Variants in NDUFS4 observed in about 807,000 individuals in gnomAD.
NDUFS4 encodes the protein NADH dehydrogenase [ubiquinone] iron-sulfur protein 4, mitochondrial.
A neutral mutation model predicts 24.3 loss-of-function variants in NDUFS4; 28 were observed. That is an observed-to-expected ratio of 1.15 (90% CI 0.85 to 1.58). The LOEUF (loss-of-function observed/expected upper bound fraction) is 1.58. Ranked by LOEUF, NDUFS4 falls within the 40% of genes most tolerant of loss-of-function variation. NDUFS4 has a pLI of 0.00. For missense variants in NDUFS4, 223 were observed against 207.9 expected (o/e 1.07, Z -0.45); for synonymous variants, 93 against 69.7 (o/e 1.34, Z -1.67).
At chr5:53,617,784 A>G (rs1297245661) in intron 2 of NDUFS4, among the ~76,000 whole-genome samples, 1 of 152,184 alleles carries the variant, frequency 6.6e-6, no homozygotes, top group Admixed American at 6.5e-5. Flanking sequence ...ATTATTTGAA[A>G]TGTTCACTCT....
At chr5:53,598,655 T>A (rs1478883952) in intron 1 of NDUFS4, among the ~76,000 whole-genome samples, 2 of 152,172 alleles carry the variant, frequency 1.3e-5, no homozygotes, top group African/African-American at 4.8e-5. Context: ...CATATTGTTA[T>A]CAAGCTGTAT....
intron 1 of NDUFS4, among the ~76,000 whole-genome samples, chr5:53,594,992 A>T (rs1313584032): frequency 6.6e-6 from 1 of 152,084 alleles, no homozygotes; most frequent in African/African-American, 2.4e-5. Context: ...CCATGAAAGG[A>T]TGGCCAGTTG....
At chr5:53,612,964 C>A (rs1484711936) in intron 2 of NDUFS4, among the ~76,000 whole-genome samples, 3 of 152,108 alleles carry the variant, frequency 2.0e-5, no homozygotes, top group Non-Finnish European at 2.9e-5. Flanking sequence ...TTCTTCCTGA[C>A]ATACTAAAAG....
At chr5:53,669,394 C>T (rs1752605701) in intron 4 of NDUFS4, among the ~76,000 whole-genome samples, 1 of 152,170 alleles carries the variant, frequency 6.6e-6, no homozygotes, top group African/African-American at 2.4e-5. Flanking sequence ...CCTCCCTCTA[C>T]AACCTCGTTA....
chr5:53,593,211 A>G (rs556591482), intron 1 of NDUFS4, among the ~76,000 whole-genome samples: 152 of 152,220 alleles, frequency 1.0e-3, no homozygotes, highest in African/African-American at 3.5e-3. Flanking sequence ...ATTATCTTTA[A>G]TAGATATAGG....
chr5:53,572,735 C>T (rs1371662864), intron 1 of NDUFS4, among the ~76,000 whole-genome samples: 2 of 151,702 alleles, frequency 1.3e-5, no homozygotes, highest in African/African-American at 4.8e-5. Flanking sequence ...CCTCTGCCTC[C>T]TGGGTTCAAG....
intron 2 of NDUFS4, among the ~76,000 whole-genome samples, chr5:53,608,410 A>C (rs1048212363): frequency 1.3e-5 from 2 of 152,172 alleles, no homozygotes; most frequent in African/African-American, 4.8e-5. Flanking sequence ...TTCATGAAAA[A>C]TTTCTCTGTA....
chr5:53,572,957 GTTTTTTTTTTTTGTTTTTTT>G (rs1406527769), intron 1 of NDUFS4, among the ~76,000 whole-genome samples: 5 of 103,296 alleles, frequency 4.8e-5, no homozygotes, highest in Non-Finnish European at 8.2e-5. Context: ...GTTGTTTTTT[GTTTTTTTTTTTTGTTTTTTT>G]TTTTTTTTAA....
intron 2 of NDUFS4, among the ~76,000 whole-genome samples, chr5:53,611,580 A>G (rs1185053397): frequency 2.0e-5 from 3 of 152,080 alleles, no homozygotes; most frequent in Admixed American, 6.6e-5. Flanking sequence ...TAGAAGCACA[A>G]TGCTTAAAAA....
chr5:53,632,257 A>G (rs1270293585), intron 2 of NDUFS4, among the ~76,000 whole-genome samples: 2 of 152,174 alleles, frequency 1.3e-5, no homozygotes, highest in Non-Finnish European at 2.9e-5. Context: ...TCCTTTATAC[A>G]GCATTTAGAT....
At position 53,683,157 on chromosome 5, in the gene NDUFS4, C is replaced by A. The variant is rs1740729775; in HGVS notation, c.464C>A (p.Pro155His). 6.2e-7 allele frequency: 1 copy of A among 1,612,278 alleles called. No homozygotes were observed. The highest frequency in any genetic ancestry group is 1.3e-5 in the African/African-American group (1 of 74,794). The change falls in exon 5 of 5, where the codon CCC becomes CAC. Residue 155 changes from proline (P) to histidine (H), a missense_variant. Coordinates refer to ENST00000296684, the MANE Select transcript of NDUFS4 (RefSeq NM_002495.4). ...YDIEERKVPKPKSKSYGANFS... is the reference protein window; with the variant it reads ...YDIEERKVPKHKSKSYGANFS... ...ATTGAAGAGAGGAAGGTTCCAAAAC[C>A]CAAGTCCAAGTCTTATGGTGCAAAC...
At chr5:53,636,108 T>A (rs1751543762) in intron 2 of NDUFS4, among the ~76,000 whole-genome samples, 1 of 152,180 alleles carries the variant, frequency 6.6e-6, no homozygotes, top group African/African-American at 2.4e-5. Context: ...GGTCTCAAAC[T>A]CCTGGTTTCA....
chr5:53,563,478 CAA>C (rs937711541), intron 1 of NDUFS4, among the ~76,000 whole-genome samples: 1 of 148,214 alleles, frequency 6.7e-6, no homozygotes, highest in African/African-American at 2.5e-5. Context: ...TGTGAGGAGG[CAA>C]AAAAAGGGGT....
At chr5:53,587,602 G>A (rs1473124610) in intron 1 of NDUFS4, among the ~76,000 whole-genome samples, 2 of 148,088 alleles carry the variant, frequency 1.4e-5, no homozygotes, top group African/African-American at 5.0e-5. Flanking sequence ...TTTTGAGACA[G>A]CGTCTCGCTC....
chr5:53,615,696 A>G (rs530253273), intron 2 of NDUFS4, among the ~76,000 whole-genome samples: 20 of 152,190 alleles, frequency 1.3e-4, no homozygotes, highest in African/African-American at 4.8e-4. Flanking sequence ...CATGTTTAAT[A>G]CTTTACTTCT....
At chr5:53,593,389 T>G (rs938095658) in intron 1 of NDUFS4, among the ~76,000 whole-genome samples, 1 of 151,850 alleles carries the variant, frequency 6.6e-6, no homozygotes, top group Non-Finnish European at 1.5e-5. Flanking sequence ...TTTCATTTTA[T>G]ATATTAGGGC....
At chr5:53,573,693 G>A (rs1236041650) in intron 1 of NDUFS4, 3 of 368,994 alleles carry the variant, frequency 8.1e-6, no homozygotes, top group South Asian at 4.3e-5. Flanking sequence ...GGCTTAAGCA[G>A]TCCTCCCACC....
intron 4 of NDUFS4, among the ~76,000 whole-genome samples, chr5:53,660,209 C>G (rs1018650526): frequency 1.4e-5 from 2 of 145,274 alleles, no homozygotes; most frequent in African/African-American, 5.1e-5. Flanking sequence ...CGTGTGTTCT[C>G]ATTGTTCAAT....
At chr5:53,600,746 G>A (rs889598676) in intron 1 of NDUFS4, among the ~76,000 whole-genome samples, 3 of 152,142 alleles carry the variant, frequency 2.0e-5, no homozygotes, top group African/African-American at 7.2e-5. Flanking sequence ...TCTGCTTAGA[G>A]GGTAGTTTCT....
Sources: gnomAD v4.1 joint callset for allele counts (sites outside exome capture counted in the v4.1 genomes callset) on GRCh38, gnomAD v4.1.1 for gene constraint, MANE v1.5 for transcripts, NCBI Gene and HGNC (gene_info 2026-07-23, HGNC 2026-07-21) for gene names.